The following LRCH1 variants were observed in gnomAD, a reference collection of about 807,000 sequenced individuals.
LRCH1 encodes leucine rich repeats and calponin homology domain containing 1.
A neutral mutation model predicts 94.9 loss-of-function variants in LRCH1; 23 were observed. The observed-to-expected ratio is 0.24, with a 90% confidence interval of 0.17 to 0.34. The LOEUF (loss-of-function observed/expected upper bound fraction) is 0.34, where lower values mean the gene tolerates loss of function less well. Ranked by LOEUF, LRCH1 falls within the 10% of genes least tolerant of loss-of-function variation. LRCH1 has a pLI of 1.00. For synonymous variants in LRCH1, 364 were observed against 354.9 expected (o/e 1.03, Z -0.29); for missense variants, 790 against 945.9 (o/e 0.84, Z 2.16).
At position 46,743,685 on chromosome 13, in the gene LRCH1, A is replaced by T. The variant is rs1399152991; in HGVS notation, c.*1837A>T. 1.0e-6 allele frequency: 1 copy of T among 985,204 alleles called. No homozygotes were observed. 61.0% of individuals were successfully genotyped at this position (985,204 alleles called of 1,614,324 possible). The stretch of plus-strand genomic sequence containing the variant: ...CTGCAGTGCATTGAGGCTTCTCTTT[A>T]ATGGTCACCACTGTGGTGGTTTTTC... On this transcript the variant is annotated 3_prime_UTR_variant, in exon 20 of 20. Transcript: ENST00000389797.
intron 1 of LRCH1, among the ~76,000 whole-genome samples, chr13:46,605,507 ACTCCTCCTC>A (rs372999128): frequency 0.011 from 1,598 of 146,884 alleles, 39 homozygotes; most frequent in African/African-American, 0.038. Context: ...AGATGAGGGC[ACTCCTCCTC>A]CTCCTCCTCC....
At chr13:46,601,122 A>G (rs2050623505) in intron 1 of LRCH1, among the ~76,000 whole-genome samples, 1 of 152,218 alleles carries the variant, frequency 6.6e-6, no homozygotes. Flanking sequence ...TGTCACTTAG[A>G]CTAGCACAAC....
At chr13:46,635,454 G>A (rs1463602929) in intron 1 of LRCH1, among the ~76,000 whole-genome samples, 1 of 147,796 alleles carries the variant, frequency 6.8e-6, no homozygotes, top group African/African-American at 2.5e-5. Flanking sequence ...TGAAAGATCC[G>A]GTCCCCTCCC....
chr13:46,567,978 G>T (rs1170740355), intron 1 of LRCH1, among the ~76,000 whole-genome samples: 2 of 152,078 alleles, frequency 1.3e-5, no homozygotes, highest in East Asian at 3.9e-4. Context: ...TTTCTCAAGT[G>T]GTTCCATAGT....
chr13:46,565,131 T>A (rs1469251533), intron 1 of LRCH1, among the ~76,000 whole-genome samples: 3 of 152,202 alleles, frequency 2.0e-5, no homozygotes, highest in Non-Finnish European at 2.9e-5. Flanking sequence ...TGAATACATA[T>A]GTCAAGTGCT....
At chr13:46,708,318 C>T (rs1871877895) in intron 13 of LRCH1, among the ~76,000 whole-genome samples, 1 of 146,810 alleles carries the variant, frequency 6.8e-6, no homozygotes, top group Admixed American at 6.9e-5. Flanking sequence ...GCTCTTGTCG[C>T]CCAGGTTGAA....
intron 1 of LRCH1, among the ~76,000 whole-genome samples, chr13:46,587,943 T>C (rs1376613219): frequency 6.6e-6 from 1 of 152,202 alleles, no homozygotes; most frequent in Non-Finnish European, 1.5e-5. Context: ...TGTGGTACCA[T>C]AGAGTATGTA....
chr13:46,623,693 G>GTTTTTTTTTTTTTTTTCTTTTTTTTTT (rs5803361), intron 1 of LRCH1, among the ~76,000 whole-genome samples: 1 of 128,502 alleles, frequency 7.8e-6, no homozygotes, highest in Non-Finnish European at 1.6e-5. Context: ...CCCTGTCTCT[G>GTTTTTTTTTTTTTTTTCTTTTTTTTTT]TTTTTTTTTT....
downstream of LRCH1, among the ~76,000 whole-genome samples, chr13:46,747,212 C>T (rs574505075): frequency 2.6e-5 from 4 of 152,260 alleles, no homozygotes; most frequent in East Asian, 5.8e-4. Flanking sequence ...ATGTGGAGAC[C>T]AGGAAGGCGA....
In LRCH1 at chr13:46,742,510, C is replaced by G. The variant is rs867638177; in HGVS notation, c.*662C>G. 3 of 985,448 alleles carry G rather than the reference C, an allele frequency of 3.0e-6. No individual in the cohort carries two copies. The highest frequency in any genetic ancestry group is 5.2e-4 in the Middle Eastern group (1 of 1,912). The allele number at this position is 985,448 out of a possible 1,614,324, so 61.0% of individuals were successfully genotyped here. On this transcript the variant is annotated 3_prime_UTR_variant, in exon 20 of 20. Coordinates refer to ENST00000389797, the MANE Select transcript of LRCH1 (RefSeq NM_001164211.2). ...CCAACTTCCACCCCGGCAAGCCCCTCTGTCCTATGCAGAAGGGCGCTCAAG... is the reference window on the plus strand; with the variant it reads ...CCAACTTCCACCCCGGCAAGCCCCTGTGTCCTATGCAGAAGGGCGCTCAAG...
chr13:46,646,534 A>G (rs2051223265), intron 1 of LRCH1, among the ~76,000 whole-genome samples: 1 of 152,154 alleles, frequency 6.6e-6, no homozygotes, highest in Non-Finnish European at 1.5e-5. Context: ...CACAAATACT[A>G]TATGCACTGT....
intron 14 of LRCH1, among the ~76,000 whole-genome samples, chr13:46,712,095 C>T (rs1872094162): frequency 6.6e-6 from 1 of 152,158 alleles, no homozygotes; most frequent in Non-Finnish European, 1.5e-5. Context: ...ATGAAGATCA[C>T]TTAAATAGGA....
chr13:46,603,786 A>T (rs930624363), intron 1 of LRCH1, among the ~76,000 whole-genome samples: 3 of 152,130 alleles, frequency 2.0e-5, no homozygotes, highest in African/African-American at 4.8e-5. Context: ...CCTCCTGAGT[A>T]GCTGAGACTA....
intron 1 of LRCH1, among the ~76,000 whole-genome samples, chr13:46,568,571 T>G (rs570183255): frequency 6.6e-6 from 1 of 152,236 alleles, no homozygotes; most frequent in Non-Finnish European, 1.5e-5. Context: ...GTCTTAGACA[T>G]TTGTTGTTTA....
chr13:46,589,940 C>T (rs1278297603), intron 1 of LRCH1, among the ~76,000 whole-genome samples: 1 of 149,092 alleles, frequency 6.7e-6, no homozygotes, highest in African/African-American at 2.5e-5. Flanking sequence ...TAGAAAGAGA[C>T]CAGGCCACTT....
intron 1 of LRCH1, among the ~76,000 whole-genome samples, chr13:46,568,043 G>A (rs561031991): frequency 6.6e-6 from 1 of 152,276 alleles, no homozygotes; most frequent in East Asian, 1.9e-4. Context: ...CTCTCCTTGG[G>A]CAGTCTGTCT....
At chr13:46,638,380 C>T (rs1030829200) in intron 1 of LRCH1, among the ~76,000 whole-genome samples, 4 of 152,116 alleles carry the variant, frequency 2.6e-5, no homozygotes, top group Admixed American at 6.5e-5. Context: ...AAAACTGGCA[C>T]GGAACCTTTG....
chr13:46,610,367 T>A (rs892274687), intron 1 of LRCH1, among the ~76,000 whole-genome samples: 2 of 152,216 alleles, frequency 1.3e-5, no homozygotes, highest in African/African-American at 4.8e-5. Context: ...GTAATTCACC[T>A]TTTTTCTAAT....
At chr13:46,566,905 G>A (rs2050190774) in intron 1 of LRCH1, among the ~76,000 whole-genome samples, 1 of 152,184 alleles carries the variant, frequency 6.6e-6, no homozygotes, top group Non-Finnish European at 1.5e-5. Context: ...TCACTTGTTT[G>A]TGATGGCCAG....
Sources: gnomAD v4.1 joint callset for allele counts (sites outside exome capture counted in the v4.1 genomes callset) on GRCh38, gnomAD v4.1.1 for gene constraint, MANE v1.5 for transcripts, NCBI Gene and HGNC (gene_info 2026-07-23, HGNC 2026-07-21) for gene names.